The following CFAP96 variants were observed in gnomAD, a reference collection of about 807,000 sequenced individuals.
The protein encoded by CFAP96 is cilia and flagella associated protein 96.
At chr4:185,426,096 T>A in the CFAP96 span, 9 of 593,240 alleles carry the variant, frequency 1.5e-5, no homozygotes, top group Admixed American at 6.0e-5. Context: ...TTCTATTAGT[T>A]AAGTCTTTTC....
the CFAP96 span, among the ~76,000 whole-genome samples, chr4:185,446,582 C>G: frequency 1.3e-4 from 20 of 152,066 alleles, no homozygotes; most frequent in African/African-American, 4.8e-4. Context: ...TTCTGGGCAT[C>G]TTAAGCTTTA....
the CFAP96 span, among the ~76,000 whole-genome samples, chr4:185,428,326 C>T: frequency 6.6e-6 from 1 of 151,962 alleles, no homozygotes; most frequent in Non-Finnish European, 1.5e-5. Context: ...GTAATCCCAG[C>T]GCTTTGGGAG....
the CFAP96 span, among the ~76,000 whole-genome samples, chr4:185,443,921 CTTTTTTTT>C: frequency 2.4e-5 from 2 of 82,810 alleles, no homozygotes; most frequent in African/African-American, 4.7e-5. Context: ...CTATATCTTT[CTTTTTTTT>C]TTTTTTTTTT....
chr4:185,435,676 G>A, the CFAP96 span, among the ~76,000 whole-genome samples: 2 of 152,184 alleles, frequency 1.3e-5, no homozygotes, highest in East Asian at 1.9e-4. Flanking sequence ...TTTTGCAAGT[G>A]TAGTTTCTTG....
the CFAP96 span, among the ~76,000 whole-genome samples, chr4:185,433,327 C>G: frequency 6.7e-6 from 1 of 148,890 alleles, no homozygotes; most frequent in Non-Finnish European, 1.5e-5. Context: ...AACTCCGGAG[C>G]CTGAGGTTGC....
chr4:185,413,600 G>T, the CFAP96 span: 2 of 955,338 alleles, frequency 2.1e-6, no homozygotes, highest in Non-Finnish European at 1.5e-6. Context: ...TGTTAACAGA[G>T]ATGGGTGATA....
At chr4:185,427,810 G>A in the CFAP96 span, among the ~76,000 whole-genome samples, 19 of 149,832 alleles carry the variant, frequency 1.3e-4, 1 homozygote, top group Admixed American at 5.4e-4. Context: ...TACCAGCCGG[G>A]CGCGGTGGCC....
chr4:185,418,624 C>A, the CFAP96 span: 2 of 1,613,582 alleles, frequency 1.2e-6, no homozygotes, highest in Non-Finnish European at 1.7e-6. Context: ...GCAGAAGCAT[C>A]AGTCAGTTCT....
chr4:185,414,836 A>C, the CFAP96 span, among the ~76,000 whole-genome samples: 1 of 152,240 alleles, frequency 6.6e-6, no homozygotes, highest in Non-Finnish European at 1.5e-5. Context: ...GAAATCTGTT[A>C]ATACCAGCAA....
the CFAP96 span, chr4:185,429,596 T>C: frequency 1.3e-6 from 1 of 775,830 alleles, no homozygotes; most frequent in Non-Finnish European, 2.0e-6. Flanking sequence ...TCAAATGATT[T>C]TTTAATGGTT....
At chr4:185,443,344 T>TATATATATATATATA in the CFAP96 span, among the ~76,000 whole-genome samples, 3 of 17,148 alleles carry the variant, frequency 1.7e-4, no homozygotes, top group African/African-American at 6.1e-4. Flanking sequence ...ATATATATAT[T>TATATATATATATATA]TTTTTTTTTT....
the CFAP96 span, among the ~76,000 whole-genome samples, chr4:185,435,038 C>T: frequency 6.6e-6 from 1 of 151,428 alleles, no homozygotes; most frequent in African/African-American, 2.4e-5. Flanking sequence ...ACCACACCCA[C>T]CCCCGGAACC....
chr4:185,421,341 G>T, the CFAP96 span, among the ~76,000 whole-genome samples: 4 of 152,196 alleles, frequency 2.6e-5, no homozygotes, highest in Non-Finnish European at 5.9e-5. Flanking sequence ...TTTGATGTCT[G>T]TCCCCTCCAA....
At chr4:185,433,622 C>T in the CFAP96 span, among the ~76,000 whole-genome samples, 1 of 151,996 alleles carries the variant, frequency 6.6e-6, no homozygotes, top group Admixed American at 6.6e-5. Flanking sequence ...GGATTTTTGG[C>T]CGGGCACGGT....
the CFAP96 span, chr4:185,445,486 G>C: frequency 6.4e-7 from 1 of 1,554,542 alleles, no homozygotes; most frequent in African/African-American, 1.4e-5. Flanking sequence ...GAGTTTCTTA[G>C]CAATCTTGAG....
the CFAP96 span, among the ~76,000 whole-genome samples, chr4:185,444,143 C>T: frequency 3.3e-4 from 49 of 149,798 alleles, no homozygotes; most frequent in African/African-American, 8.8e-4. Flanking sequence ...TTAGTAGAGA[C>T]GGGGTTTCAC....
At chr4:185,429,142 G>C in the CFAP96 span, among the ~76,000 whole-genome samples, 2 of 152,150 alleles carry the variant, frequency 1.3e-5, no homozygotes, top group Admixed American at 1.3e-4. Flanking sequence ...TCAAGGGGGA[G>C]GGCTCATCTG....
chr4:185,447,370 C>T, the CFAP96 span, among the ~76,000 whole-genome samples: 6 of 151,932 alleles, frequency 3.9e-5, no homozygotes, highest in South Asian at 2.1e-4. Context: ...TTAGTAGAGA[C>T]GGGGTTTCAC....
the CFAP96 span, among the ~76,000 whole-genome samples, chr4:185,411,279 TC>T: frequency 6.6e-6 from 1 of 151,330 alleles, no homozygotes; most frequent in Non-Finnish European, 1.5e-5. Flanking sequence ...AAAAATCTTC[TC>T]ACAAAGAAAA....
Sources: gnomAD v4.1 joint callset for allele counts (sites outside exome capture counted in the v4.1 genomes callset) on GRCh38, gnomAD v4.1.1 for gene constraint, MANE v1.5 for transcripts, NCBI Gene and HGNC (gene_info 2026-07-23, HGNC 2026-07-21) for gene names.